CSMD1: variants seen among roughly 807,000 people sequenced by gnomAD.
CSMD1 encodes CUB and sushi domain-containing protein 1.
CSMD1 carries 213 observed loss-of-function variants against 417.5 expected under a neutral mutation model. The observed-to-expected ratio is 0.51, with a 90% CI of 0.46 to 0.57. The LOEUF (loss-of-function observed/expected upper bound fraction) is 0.57, where lower values mean the gene tolerates loss of function less well. Among genes scored for constraint, CSMD1 ranks in the 20% least tolerant of loss-of-function variants. The pLI, the probability that CSMD1 is intolerant of heterozygous loss-of-function variation, is 0.00. For synonymous variants in CSMD1, 2,862 were observed against 1,736.8 expected (o/e 1.65, Z -16.11); for missense variants, 6,923 against 4,529.7 (o/e 1.53, Z -15.17).
Position 3,714,561 on chromosome 8 carries a change from C to CAAAAAAAAAAAAAAAAAAAAA in CSMD1, c.932-6071_932-6070insTTTTTTTTTTTTTTTTTTTTT, listed in dbSNP as rs61494901. ...ACATGGCGAAACCCCATCTCTATCC[C>CAAAAAAAAAAAAAAAAAAAAA]AAAAAAAAAAAAAAAAAAAATTAGC... On this transcript the variant is annotated intron_variant, in intron 6 of 69. Coordinates refer to ENST00000635120, the MANE Select transcript of CSMD1 (RefSeq NM_033225.6). 1.4e-3 allele frequency among the ~76,000 whole-genome samples: 98 copies of CAAAAAAAAAAAAAAAAAAAAA among 70,568 alleles called. 38 individuals are homozygous for CAAAAAAAAAAAAAAAAAAAAA. Among genetic ancestry groups the CAAAAAAAAAAAAAAAAAAAAA allele is most frequent in the Middle Eastern group, 0.023 (2 of 86 alleles). The allele number at this position is 70,568 out of a possible 152,430, so 46.3% of individuals were successfully genotyped here. A position where few individuals can be genotyped will look rare whatever the true frequency, so the allele number is the denominator to read the frequency against.
intron 21 of CSMD1, among the ~76,000 whole-genome samples, chr8:3,355,361 T>C (rs1340142429): frequency 6.6e-6 from 1 of 152,222 alleles, no homozygotes; most frequent in African/African-American, 2.4e-5. Flanking sequence ...CCATCATATA[T>C]ACTCTCTAAC....
chr8:4,019,927 A>C lies in CSMD1; in HGVS notation c.610+11978T>G, dbSNP rs778972380. ...GCAGTAATTCATTAAAAAAAAAAAA[A>C]AAAACCCTTTTTTTTAAGAGCTACC... On this transcript the variant is annotated intron_variant, in intron 4 of 69. Coordinates refer to ENST00000635120, the MANE Select transcript of CSMD1 (RefSeq NM_033225.6). 1.2e-3 allele frequency among the ~76,000 whole-genome samples: 179 copies of C among 152,074 alleles called. 1 individual carries two copies. The highest frequency in any genetic ancestry group is 2.6e-3 in the Admixed American group (40 of 15,284).
At chr8:4,342,885 G>C (rs1232869576) in intron 3 of CSMD1, among the ~76,000 whole-genome samples, 2 of 152,022 alleles carry the variant, frequency 1.3e-5, no homozygotes, top group African/African-American at 4.8e-5. Context: ...GACATATCAG[G>C]AGAAGCAAAG....
intron 3 of CSMD1, among the ~76,000 whole-genome samples, chr8:4,097,209 T>G (rs7014957): frequency 0.2 from 30,300 of 152,116 alleles, 3,215 homozygotes; most frequent in East Asian, 0.33. Flanking sequence ...ATGAATCAAG[T>G]AGCTTGGAAG....
intron 1 of CSMD1, among the ~76,000 whole-genome samples, chr8:4,700,981 A>G (rs1372591889): frequency 6.6e-6 from 1 of 152,188 alleles, no homozygotes; most frequent in Non-Finnish European, 1.5e-5. Flanking sequence ...TACTTCTAAT[A>G]ATAAGTGAGT....
At chr8:4,408,993 G>C (rs936336136) in intron 3 of CSMD1, among the ~76,000 whole-genome samples, 1 of 152,162 alleles carries the variant, frequency 6.6e-6, no homozygotes, top group Non-Finnish European at 1.5e-5. Flanking sequence ...TTTGCCGACT[G>C]ATTTAAGAAC....
intron 7 of CSMD1, among the ~76,000 whole-genome samples, chr8:3,651,806 TACCACCATCAGAGCACCC>T (rs1209028450): frequency 2.0e-5 from 3 of 148,020 alleles, no homozygotes; most frequent in African/African-American, 5.0e-5. Flanking sequence ...CCATCGCACT[TACCACCATCAGAGCACCC>T]ACCACCATCA....
chr8:3,492,402 T>G (rs1389814892), intron 11 of CSMD1, among the ~76,000 whole-genome samples: 1 of 152,070 alleles, frequency 6.6e-6, no homozygotes, highest in African/African-American at 2.4e-5. Context: ...AGAGGCATCC[T>G]CAGTAGTATA....
intron 7 of CSMD1, among the ~76,000 whole-genome samples, chr8:3,662,991 A>G (rs1313883849): frequency 6.6e-6 from 1 of 152,150 alleles, no homozygotes; most frequent in African/African-American, 2.4e-5. Flanking sequence ...AGTATCCCAG[A>G]ACTTAAAGTA....
intron 5 of CSMD1, among the ~76,000 whole-genome samples, chr8:3,920,654 A>T (rs962201347): frequency 5.9e-5 from 9 of 152,112 alleles, no homozygotes; most frequent in African/African-American, 2.2e-4. Context: ...TATTCCTTCA[A>T]CACATAATTT....
chr8:3,526,344 C>G (rs928618557), intron 10 of CSMD1, among the ~76,000 whole-genome samples: 3 of 151,982 alleles, frequency 2.0e-5, no homozygotes, highest in East Asian at 3.9e-4. Context: ...ATTGGACACT[C>G]CAAATCCCTT....
At chr8:4,843,033 G>C (rs1376660749) in intron 1 of CSMD1, among the ~76,000 whole-genome samples, 2 of 152,162 alleles carry the variant, frequency 1.3e-5, no homozygotes, top group Non-Finnish European at 2.9e-5. Context: ...CATCAACTGA[G>C]TGAAGTCAAA....
At chr8:4,246,109 A>G (rs909971147) in intron 3 of CSMD1, among the ~76,000 whole-genome samples, 7 of 152,114 alleles carry the variant, frequency 4.6e-5, no homozygotes, top group Admixed American at 4.6e-4. Context: ...TTTGTTGTAC[A>G]GATTATTTGA....
chr8:4,053,145 T>C (rs938473891), intron 3 of CSMD1, among the ~76,000 whole-genome samples: 1 of 152,194 alleles, frequency 6.6e-6, no homozygotes, highest in Non-Finnish European at 1.5e-5. Context: ...GGGTGCAGTG[T>C]ACAGTTAGTG....
In CSMD1 at chr8:4,474,720, T is replaced by C. The variant is rs187349472; in HGVS notation, c.303-54655A>G. Among the ~76,000 whole-genome samples the C allele has an allele frequency of 1.2e-3, 177 of 152,192 alleles. 5 individuals are homozygous for C. In the East Asian group the frequency reaches 0.028, roughly 24 times the overall value. ...CAGTTTACTCCCACGTGGACTTTCTTCTCCCTCTGCCATCCGGAGACAGCA... is the reference window on the plus strand; with the variant it reads ...CAGTTTACTCCCACGTGGACTTTCTCCTCCCTCTGCCATCCGGAGACAGCA... On this transcript the variant is annotated intron_variant, in intron 2 of 69. Transcript: ENST00000635120.
chr8:3,360,847 G>A (rs1329672084), intron 20 of CSMD1, among the ~76,000 whole-genome samples: 1 of 147,584 alleles, frequency 6.8e-6, no homozygotes, highest in African/African-American at 2.5e-5. Context: ...CCTCAAATCT[G>A]ATCCTTCTTT....
intron 23 of CSMD1, among the ~76,000 whole-genome samples, chr8:3,335,919 T>C (rs192264521): frequency 9.8e-5 from 15 of 152,316 alleles, no homozygotes; most frequent in African/African-American, 3.4e-4. Context: ...AAGGCTTCTC[T>C]GTTCTCAAAA....
intron 3 of CSMD1, among the ~76,000 whole-genome samples, chr8:4,408,800 A>C (rs1257073227): frequency 6.6e-6 from 1 of 152,232 alleles, no homozygotes; most frequent in East Asian, 1.9e-4. Context: ...ATTTAAAGAA[A>C]AAAAATAGCA....
At chr8:3,638,263 C>G (rs372783173) in intron 7 of CSMD1, among the ~76,000 whole-genome samples, 21 of 152,078 alleles carry the variant, frequency 1.4e-4, no homozygotes, top group Admixed American at 2.0e-4. Flanking sequence ...AAATAAATAA[C>G]ATGTACACCA....
Sources: gnomAD v4.1 joint callset for allele counts (sites outside exome capture counted in the v4.1 genomes callset) on GRCh38, gnomAD v4.1.1 for gene constraint, MANE v1.5 for transcripts, NCBI Gene and HGNC (gene_info 2026-07-23, HGNC 2026-07-21) for gene names.